The following CACNA2D3 variants were observed in gnomAD, a reference collection of about 807,000 sequenced individuals.
CACNA2D3 encodes the protein calcium voltage-gated channel auxiliary subunit alpha2delta 3.
A neutral mutation model predicts 160.6 loss-of-function variants in CACNA2D3; 60 were observed. That is an observed-to-expected ratio of 0.37 (90% confidence interval 0.30 to 0.46). The LOEUF (loss-of-function observed/expected upper bound fraction) is 0.46. Among genes scored for constraint, CACNA2D3 ranks in the 20% least tolerant of loss-of-function variants. The probability of loss-of-function intolerance (pLI) is 1.00; values close to 1 mark genes in which losing one functional copy is unlikely to be tolerated. For synonymous variants in CACNA2D3, 558 were observed against 492.9 expected, an observed-to-expected ratio of 1.13 and a Z score of -1.75; for missense variants, 1,205 against 1,365.0, an observed-to-expected ratio of 0.88 and a Z score of 1.85.
At chr3:54,659,104 C>G (rs1559541637) in intron 11 of CACNA2D3, among the ~76,000 whole-genome samples, 1 of 152,174 alleles carries the variant, frequency 6.6e-6, no homozygotes, top group Non-Finnish European at 1.5e-5. Flanking sequence ...GTCCCCTGAT[C>G]TCCAGCTATC....
chr3:54,750,023 A>G (rs867014547), intron 11 of CACNA2D3, among the ~76,000 whole-genome samples: 1 of 152,224 alleles, frequency 6.6e-6, no homozygotes, highest in Non-Finnish European at 1.5e-5. Flanking sequence ...TATTGTTAGC[A>G]TAATTATTCT....
intron 2 of CACNA2D3, among the ~76,000 whole-genome samples, chr3:54,233,405 A>G (rs563107415): frequency 1.3e-5 from 2 of 152,306 alleles, no homozygotes; most frequent in Admixed American, 6.5e-5. Context: ...CACCACACAG[A>G]GGGCACAGAG....
intron 17 of CACNA2D3, among the ~76,000 whole-genome samples, chr3:54,853,916 G>T (rs1302355654): frequency 6.6e-6 from 1 of 152,104 alleles, no homozygotes; most frequent in Non-Finnish European, 1.5e-5. Context: ...GGAACTTTCG[G>T]TGGTCCCCAA....
At chr3:54,997,101 C>T (rs1300409950) in intron 31 of CACNA2D3, among the ~76,000 whole-genome samples, 1 of 152,050 alleles carries the variant, frequency 6.6e-6, no homozygotes, top group Non-Finnish European at 1.5e-5. Flanking sequence ...TAGCAAACCA[C>T]CATGGCACAT....
intron 4 of CACNA2D3, among the ~76,000 whole-genome samples, chr3:54,412,125 T>C (rs981084661): frequency 6.6e-6 from 1 of 152,206 alleles, no homozygotes; most frequent in South Asian, 2.1e-4. Context: ...TCTGGTTTCT[T>C]TTATTGATCA....
At chr3:54,252,543 T>A (rs1702213704) in intron 2 of CACNA2D3, among the ~76,000 whole-genome samples, 1 of 152,290 alleles carries the variant, frequency 6.6e-6, no homozygotes, top group Non-Finnish European at 1.5e-5. Flanking sequence ...TCAGCTGCAG[T>A]CTCTTAAAAT....
chr3:54,661,893 A>G (rs1699980639), intron 11 of CACNA2D3, among the ~76,000 whole-genome samples: 1 of 145,908 alleles, frequency 6.9e-6, no homozygotes, highest in Non-Finnish European at 1.5e-5. Context: ...TGTGTGTGTT[A>G]AAAAGATAAC....
intron 27 of CACNA2D3, among the ~76,000 whole-genome samples, chr3:54,910,894 T>G (rs1242758789): frequency 6.6e-6 from 1 of 152,220 alleles, no homozygotes. Context: ...AGTGATTCAT[T>G]TATTTTTTTA....
At chr3:54,753,436 A>T (rs1270123143) in intron 12 of CACNA2D3, among the ~76,000 whole-genome samples, 1 of 152,174 alleles carries the variant, frequency 6.6e-6, no homozygotes, top group Non-Finnish European at 1.5e-5. Flanking sequence ...TGCTCTTGTG[A>T]ACTCTGAAGG....
At chr3:54,466,553 T>A (rs1468870184) in intron 4 of CACNA2D3, among the ~76,000 whole-genome samples, 1 of 152,150 alleles carries the variant, frequency 6.6e-6, no homozygotes, top group African/African-American at 2.4e-5. Flanking sequence ...CTCAGTAACA[T>A]TGCAAGTGTT....
intron 5 of CACNA2D3, among the ~76,000 whole-genome samples, chr3:54,545,242 T>A (rs1010240758): frequency 6.6e-6 from 1 of 152,236 alleles, no homozygotes; most frequent in Non-Finnish European, 1.5e-5. Context: ...TTAAAAATAT[T>A]TCCAACCCTT....
chr3:54,262,890 G>A (rs550346469), intron 2 of CACNA2D3, among the ~76,000 whole-genome samples: 7 of 152,150 alleles, frequency 4.6e-5, no homozygotes, highest in Middle Eastern at 3.4e-3. Context: ...TTACAAGTTT[G>A]CTTTAAATTT....
In CACNA2D3 at chr3:54,564,763, A is replaced by C. The variant is rs56967279; in HGVS notation, c.676+1832A>C. The stretch of plus-strand genomic sequence containing the variant: ...ACAAAAGAGGTCTCTGCCCTCATCC[A>C]GCTCCTTCTTGTGGGGACATGCATT... On this transcript the variant is annotated intron_variant, in intron 6 of 37. Transcript: ENST00000474759. Among the ~76,000 whole-genome samples the C allele has an allele frequency of 4.6e-5, 7 of 152,314 alleles. No homozygotes were observed. The South Asian group carries it at 1.2e-3, about 27-fold the overall frequency.
chr3:54,166,100 G>T lies in CACNA2D3; in HGVS notation c.204+42506G>T, dbSNP rs552166451. 9.2e-5 allele frequency among the ~76,000 whole-genome samples: 14 copies of T among 152,296 alleles called. No individual in the cohort carries two copies. In the South Asian group the frequency reaches 2.7e-3, roughly 29 times the overall value. The stretch of plus-strand genomic sequence containing the variant: ...GTGCCAGGAACCCACGAGGTGGGTG[G>T]AGGCTTTGTTGAGATGGTTGGGCTT... On this transcript the variant is annotated intron_variant, in intron 2 of 37. Coordinates refer to ENST00000474759, the MANE Select transcript of CACNA2D3 (RefSeq NM_018398.3).
chr3:54,839,189 C>T (rs1390777092), intron 16 of CACNA2D3, among the ~76,000 whole-genome samples: 2 of 152,032 alleles, frequency 1.3e-5, no homozygotes, highest in African/African-American at 2.4e-5. Flanking sequence ...ACCTAGGAGG[C>T]GGAGCTTGCA....
In CACNA2D3 at chr3:55,001,115, C is replaced by T. The variant is rs181207572; in HGVS notation, c.2691-3648C>T. Among the ~76,000 whole-genome samples, 3 of 152,280 alleles carry T rather than the reference C, an allele frequency of 2.0e-5. No homozygotes were observed. In the East Asian group the frequency reaches 5.8e-4, roughly 29 times the overall value. ...TCGCTTATGGTTGCTAAACAGAGTTCAGTACACATCAGCTGTTGTTATCAT... is the reference window on the plus strand; with the variant it reads ...TCGCTTATGGTTGCTAAACAGAGTTTAGTACACATCAGCTGTTGTTATCAT... On this transcript the variant is annotated intron_variant, in intron 31 of 37. Coordinates refer to ENST00000474759, the MANE Select transcript of CACNA2D3 (RefSeq NM_018398.3).
chr3:54,537,990 C>T (rs924406049), intron 5 of CACNA2D3, among the ~76,000 whole-genome samples: 2 of 152,146 alleles, frequency 1.3e-5, no homozygotes, highest in Non-Finnish European at 2.9e-5. Context: ...TGGCTGTGTG[C>T]TCTTCATTCA....
At chr3:54,943,630 T>TCTACTCATCTTAAATTTTCCCCC (rs1701534119) in intron 27 of CACNA2D3, among the ~76,000 whole-genome samples, 1 of 152,202 alleles carries the variant, frequency 6.6e-6, no homozygotes, top group African/African-American at 2.4e-5. Flanking sequence ...TGGTTTTCCT[T>TCTACTCATCTTAAATTTTCCCCC]CTACTCATCT....
chr3:55,068,358 G>A (rs190475883), intron 35 of CACNA2D3, among the ~76,000 whole-genome samples: 169 of 152,270 alleles, frequency 1.1e-3, no homozygotes, highest in Admixed American at 3.3e-3. Flanking sequence ...TTAATTTTAC[G>A]TGGTCCTTCC....
Sources: allele counts gnomAD v4.1 joint callset (sites outside exome capture counted in the v4.1 genomes callset), GRCh38; gene constraint gnomAD v4.1.1; transcripts MANE v1.5; gene names NCBI Gene and HGNC (gene_info 2026-07-23, HGNC 2026-07-21).